NFIX: variants seen among roughly 807,000 people sequenced by gnomAD.
NFIX encodes nuclear factor 1 X-type.
Under a neutral mutation model 53.3 loss-of-function variants are expected in NFIX, and 2 were observed. The ratio of observed to expected loss-of-function variants is 0.04; its 90% CI spans 0.02 to 0.12. The LOEUF (loss-of-function observed/expected upper bound fraction) is 0.12, where lower values mean the gene tolerates loss of function less well. Among genes scored for constraint, NFIX ranks in the 10% least tolerant of loss-of-function variants. The pLI is 1.00. For missense variants in NFIX, 310 were observed against 674.5 expected (o/e 0.46, Z 5.99); for synonymous variants, 244 against 289.0 (o/e 0.84, Z 1.58).
At chr19:13,091,270 G>A (rs956415045) in intron 10 of NFIX, among the ~76,000 whole-genome samples, 7 of 152,004 alleles carry the variant, frequency 4.6e-5, no homozygotes, top group South Asian at 4.1e-4. Context: ...TCTCTCAAGA[G>A]CCCCTGGGGC....
chr19:13,024,849 G>A, intron 1 of NFIX, 172 bp from the exon 2 acceptor site: 8 of 1,321,396 alleles, frequency 6.1e-6, no homozygotes, highest in Non-Finnish European at 8.3e-6. Context: ...CCACACTTTC[G>A]TAGAACAATC....
chr19:13,000,550 G>A (rs973920086), intron 1 of NFIX, among the ~76,000 whole-genome samples: 1 of 151,708 alleles, frequency 6.6e-6, no homozygotes, highest in African/African-American at 2.4e-5. Context: ...GAGAGATGGT[G>A]GGGGAGAGTG....
chr19:13,085,364 G>A (rs1342544756), intron 8 of NFIX, among the ~76,000 whole-genome samples: 1 of 152,230 alleles, frequency 6.6e-6, no homozygotes, highest in Non-Finnish European at 1.5e-5. Flanking sequence ...GAAGCTGGAG[G>A]AAGGCAGAGG....
rs2016510969 is a variant in NFIX, at chr19:13,067,715, G to A, written c.560-5332G>A. Among the ~76,000 whole-genome samples, 1 of 152,126 alleles carries A rather than the reference G, an allele frequency of 6.6e-6. No individual in the cohort carries two copies. The highest frequency in any genetic ancestry group is 1.9e-4 in the East Asian group (1 of 5,190). ...CAAGTTTGTTTCGAGCAGGAGCTGA[G>A]GGCAGTGTTGGCTGTAGCCAGCAGG... On this transcript the variant is annotated intron_variant, in intron 2 of 10. Transcript: ENST00000592199. This position sits in a 1 kb window ranked among gnomAD's most constrained non-coding sequence, Gnocchi z 4.2.
chr19:13,090,380 A>G lies in NFIX; in HGVS notation c.1484A>G (p.Gln495Arg). 6.2e-7 allele frequency: 1 copy of G among 1,613,832 alleles called. No individual in the cohort carries two copies. The highest frequency in any genetic ancestry group is 1.1e-5 in the South Asian group (1 of 91,084). The change falls in exon 10 of 11, where the codon CAG (glutamine) becomes CGG (arginine). Residue 495 changes from glutamine to arginine, a missense_variant. By Grantham distance (43) the Gln-to-Arg change is conservative. This residue lies in a region of NFIX where 44 missense variants were observed against 73.4 expected (regional missense o/e 0.60). Transcript: ENST00000592199. This position sits in a 1 kb window ranked among gnomAD's most constrained non-coding sequence, Gnocchi z 6.6. ...PRDGNFLNIP[Q>R]QSQSWFL Reference sequence around the variant, plus strand: ...GACGGCAACTTTCTGAACATCCCACAGCAGTCTCAGGTAGGAGACCCTGCC... The same window carrying G: ...GACGGCAACTTTCTGAACATCCCACGGCAGTCTCAGGTAGGAGACCCTGCC...
chr19:13,024,936 T>G, intron 1 of NFIX, 85 bp from the exon 2 acceptor site: 7 of 1,502,914 alleles, frequency 4.7e-6, no homozygotes, highest in South Asian at 1.2e-5. Context: ...AACGCTGCTT[T>G]TCTCCTTCTC....
rs998832543 is a variant in NFIX at position 13,089,219 on chromosome 19, C to T, written c.1403-1080C>T. On this transcript the variant is annotated intron_variant, in intron 9 of 10. Transcript: ENST00000592199. The surrounding 1 kb of genome is among the most constrained non-coding windows in gnomAD (Gnocchi z 4.8). ...GGGATGGGAGCTGGGCTACAGGGTT[C>T]GGGGGCCACTTCTGGAGAGAGGTGG... Among the ~76,000 whole-genome samples, 1 of 152,072 alleles carries T rather than the reference C, an allele frequency of 6.6e-6. No homozygotes were observed. The highest frequency in any genetic ancestry group is 1.9e-4 in the East Asian group (1 of 5,194).
At chr19:13,026,176 A>C (rs2013330002) in intron 2 of NFIX, among the ~76,000 whole-genome samples, 1 of 152,174 alleles carries the variant, frequency 6.6e-6, no homozygotes, top group South Asian at 2.1e-4. Flanking sequence ...TCAGTATGAA[A>C]GTAATTTGAT....
chr19:13,034,572 T>C (rs940296837), intron 2 of NFIX, among the ~76,000 whole-genome samples: 1 of 152,222 alleles, frequency 6.6e-6, no homozygotes, highest in African/African-American at 2.4e-5. Flanking sequence ...GACCTTGGGA[T>C]TCCTGATCCT....
rs192381070 is a variant in NFIX at position 13,020,332 on chromosome 19, A to G, written c.28-4689A>G. ...ATGCAGGAGGAGGGGGCCCGCAGTG[A>G]AGGGTGCTTGAAATGTTTCTAATGG... is the stretch of plus-strand genomic sequence containing the variant. On this transcript the variant is annotated intron_variant, in intron 1 of 10. Transcript: ENST00000592199. Among the ~76,000 whole-genome samples the G allele has an allele frequency of 4.6e-3, 705 of 152,286 alleles. 5 individuals are homozygous for G. Among genetic ancestry groups the G allele is most frequent in the Non-Finnish European group, 7.5e-3 (512 of 68,020 alleles).
At chr19:12,999,438 C>T (rs1157275084) in intron 1 of NFIX, among the ~76,000 whole-genome samples, 1 of 152,008 alleles carries the variant, frequency 6.6e-6, no homozygotes, top group African/African-American at 2.4e-5. Context: ...TCCCAAAGTG[C>T]TGGGATTACA....
At chr19:13,044,409 T>A (rs1213523100) in intron 2 of NFIX, among the ~76,000 whole-genome samples, 1 of 152,182 alleles carries the variant, frequency 6.6e-6, no homozygotes, top group East Asian at 1.9e-4. Context: ...TGTGTGGGTG[T>A]CTGAGTGTCA....
At chr19:13,091,823 G>A (rs1048120629) in intron 10 of NFIX, among the ~76,000 whole-genome samples, 5 of 152,208 alleles carry the variant, frequency 3.3e-5, no homozygotes, top group African/African-American at 1.2e-4. Context: ...CTCTGCGGTC[G>A]TGCGCTCCGA....
rs2016856148 is a variant in NFIX at position 13,072,971 on chromosome 19, G to A, written c.560-76G>A. ...GCCGTCCCTGCTCTTGCACCAGGCT[G>A]GAGGGGCCAATGCTTGGCTGGTGCT... On this transcript the variant is annotated intron_variant, in intron 2 of 10. Coordinates refer to ENST00000592199, the MANE Select transcript of NFIX (RefSeq NM_001365902.3). The surrounding 1 kb of genome is among the most constrained non-coding windows in gnomAD (Gnocchi z 4.0). 1.4e-6 allele frequency: 2 copies of A among 1,404,012 alleles called. No homozygotes were observed. The highest frequency in any genetic ancestry group is 1.7e-5 in the Admixed American group (1 of 59,754). 87.0% of individuals were successfully genotyped at this position (1,404,012 alleles called of 1,614,324 possible). A position where few individuals can be genotyped will look rare whatever the true frequency, so the allele number is the denominator to read the frequency against.
Position 13,006,049 on chromosome 19 carries a change from C to T in NFIX, c.27+10185C>T, listed in dbSNP as rs543788434. Among the ~76,000 whole-genome samples, 1 of 152,302 alleles carries T rather than the reference C, an allele frequency of 6.6e-6. No homozygotes were observed. Among genetic ancestry groups the T allele is most frequent in the East Asian group, 1.9e-4 (1 of 5,186 alleles). ...GGCTCTGTTTTAGGCCCCGGGGGCT[C>T]GGCAGGGAGCAAAATCTGCAAAGAT... On this transcript the variant is annotated intron_variant, in intron 1 of 10. Coordinates refer to ENST00000592199, the MANE Select transcript of NFIX (RefSeq NM_001365902.3). This position sits in a 1 kb window ranked among gnomAD's most constrained non-coding sequence, Gnocchi z 5.6.
intron 2 of NFIX, among the ~76,000 whole-genome samples, chr19:13,063,369 A>G (rs548279077): frequency 6.6e-6 from 1 of 152,142 alleles, no homozygotes; most frequent in East Asian, 1.9e-4. Flanking sequence ...GGGTCTCCCC[A>G]GTTCCTCACT....
Position 13,046,313 on chromosome 19 carries a change from T to C in NFIX, c.559+20761T>C, listed in dbSNP as rs143877995. Among the ~76,000 whole-genome samples the C allele has an allele frequency of 2.0e-4, 30 of 152,316 alleles. No homozygotes were observed. In the East Asian group the frequency reaches 5.8e-3, roughly 29 times the overall value. ...GCCCTGTGTTTAAGGGTATGTGTGC[T>C]GCCTGCTTGCTGTGGGCAGGGTGGC... is the stretch of plus-strand genomic sequence containing the variant. On this transcript the variant is annotated intron_variant, in intron 2 of 10. Transcript: ENST00000592199.
Position 12,996,515 on chromosome 19 carries a change from G to T in NFIX, c.27+651G>T. Among the ~76,000 whole-genome samples, 1 of 152,044 alleles carries T rather than the reference G, an allele frequency of 6.6e-6. No individual in the cohort carries two copies. Among genetic ancestry groups the T allele is most frequent in the African/African-American group, 2.4e-5 (1 of 41,412 alleles). ...TGGCGGGGCTCCCAAATTTCGGAGG[G>T]GCAGGGGAGGGGAGAGGGGGGCGGG... On this transcript the variant is annotated intron_variant, in intron 1 of 10. Coordinates refer to ENST00000592199, the MANE Select transcript of NFIX (RefSeq NM_001365902.3). This position sits in a 1 kb window ranked among gnomAD's most constrained non-coding sequence, Gnocchi z 5.2.
At chr19:13,030,886 C>G (rs986899340) in intron 2 of NFIX, among the ~76,000 whole-genome samples, 3 of 152,228 alleles carry the variant, frequency 2.0e-5, no homozygotes, top group African/African-American at 7.2e-5. Flanking sequence ...AGCACGACAT[C>G]AGTTAGAGCA....
Sources: allele counts gnomAD v4.1 joint callset (sites outside exome capture counted in the v4.1 genomes callset), GRCh38; gene constraint gnomAD v4.1.1; regional missense constraint gnomAD v4.1.1; non-coding constraint Gnocchi (gnomAD v3.1); transcripts MANE v1.5; gene names NCBI Gene and HGNC (gene_info 2026-07-23, HGNC 2026-07-21).